Variants in EDARADD observed in about 807,000 individuals in gnomAD.
EDARADD encodes ectodysplasin-A receptor-associated adapter protein.
A neutral mutation model predicts 25.6 loss-of-function variants in EDARADD; 20 were observed. That is an observed-to-expected ratio of 0.78 (90% CI 0.55 to 1.14). The LOEUF (loss-of-function observed/expected upper bound fraction) is 1.14, where lower values mean the gene tolerates loss of function less well. EDARADD is among the 50% of genes most tolerant of loss of function. The pLI is 0.00. For missense variants in EDARADD, 225 were observed against 270.1 expected (o/e 0.83, Z 1.17); for synonymous variants, 86 against 94.4 (o/e 0.91, Z 0.52).
intron 3 of EDARADD, among the ~76,000 whole-genome samples, chr1:236,359,311 T>A (rs185745325): frequency 7.5e-4 from 114 of 152,344 alleles, no homozygotes; most frequent in African/African-American, 2.7e-3. Context: ...GGAATTGGAA[T>A]GTTTAGGGAG....
intron 4 of EDARADD, among the ~76,000 whole-genome samples, chr1:236,466,440 A>ACACACATAC (rs1553270444): frequency 1.6e-5 from 2 of 124,344 alleles, no homozygotes; most frequent in South Asian, 5.4e-4. Context: ...CTCTCTGATA[A>ACACACATAC]ACACACACAC....
At chr1:236,435,864 T>C (rs972113852) in intron 4 of EDARADD, among the ~76,000 whole-genome samples, 1 of 152,174 alleles carries the variant, frequency 6.6e-6, no homozygotes, top group Non-Finnish European at 1.5e-5. Flanking sequence ...AAATATTTAT[T>C]GATAACATAT....
chr1:236,460,234 G>A (rs1659002261), intron 4 of EDARADD, among the ~76,000 whole-genome samples: 1 of 149,322 alleles, frequency 6.7e-6, no homozygotes, highest in African/African-American at 2.5e-5. Flanking sequence ...ACCCAGGCTG[G>A]AGTGTAATGA....
rs1310765423 is a variant in EDARADD at position 236,483,766 on chromosome 1, G to T, written c.*1117G>T. The T allele has an allele frequency of 1.3e-6, 2 of 1,484,830 alleles. No individual in the cohort carries two copies. Among genetic ancestry groups the T allele is most frequent in the Non-Finnish European group, 1.9e-6 (2 of 1,064,300 alleles). The allele number at this position is 1,484,830 out of a possible 1,614,324, so 92.0% of individuals were successfully genotyped here. On this transcript the variant is annotated 3_prime_UTR_variant, in exon 6 of 6. Coordinates refer to ENST00000334232, the MANE Select transcript of EDARADD (RefSeq NM_145861.4). ...AAGAATGTCATCAAGGAGAAATATGGGAAAGATGCCACCGGTGTGGGGGAT... is the reference window on the plus strand; with the variant it reads ...AAGAATGTCATCAAGGAGAAATATGTGAAAGATGCCACCGGTGTGGGGGAT...
At position 236,395,151 on chromosome 1, in the gene EDARADD, C is replaced by T. The variant is rs563335261; in HGVS notation, c.61+646C>T. On this transcript the variant is annotated intron_variant, in intron 1 of 5. Coordinates refer to ENST00000334232, the MANE Select transcript of EDARADD (RefSeq NM_145861.4). This position sits in a 1 kb window ranked among gnomAD's most constrained non-coding sequence, Gnocchi z 6.9. ...CTCAGCTGAGGGCGTGAGTAGGGAG[C>T]CAGGAAAGCGACCCGCGACTGCAGC... 1.6e-4 allele frequency among the ~76,000 whole-genome samples: 24 copies of T among 152,328 alleles called. No individual in the cohort carries two copies. The highest frequency in any genetic ancestry group is 5.5e-4 in the African/African-American group (23 of 41,582).
intron 1 of EDARADD, among the ~76,000 whole-genome samples, chr1:236,397,925 C>A (rs1408684594): frequency 6.6e-6 from 1 of 152,122 alleles, no homozygotes; most frequent in African/African-American, 2.4e-5. Context: ...ACTCCTATTT[C>A]TGTAATGAAA....
intron 3 of EDARADD, among the ~76,000 whole-genome samples, chr1:236,364,382 A>G (rs1292202012): frequency 1.3e-5 from 2 of 151,930 alleles, no homozygotes; most frequent in African/African-American, 4.8e-5. Context: ...CACTCTATAA[A>G]CTCTGCATTG....
intron 3 of EDARADD, among the ~76,000 whole-genome samples, chr1:236,426,605 A>G (rs920543226): frequency 1.3e-5 from 2 of 152,176 alleles, no homozygotes; most frequent in Admixed American, 6.5e-5. Flanking sequence ...ACTGAAACCC[A>G]CTACCCAAAA....
upstream of EDARADD, among the ~76,000 whole-genome samples, chr1:236,391,317 G>A (rs540239918): frequency 3.2e-4 from 48 of 152,274 alleles, no homozygotes; most frequent in Non-Finnish European, 5.6e-4. Flanking sequence ...AGAAAACTTG[G>A]ACACTATTAC....
At chr1:236,456,241 G>A (rs1350996637) in intron 4 of EDARADD, among the ~76,000 whole-genome samples, 1 of 152,096 alleles carries the variant, frequency 6.6e-6, no homozygotes, top group Non-Finnish European at 1.5e-5. Flanking sequence ...ATCTCCCTTG[G>A]CCTCACACTC....
chr1:236,448,159 C>T (rs1315477447), intron 4 of EDARADD, among the ~76,000 whole-genome samples: 1 of 152,198 alleles, frequency 6.6e-6, no homozygotes, highest in African/African-American at 2.4e-5. Context: ...TTATGAAGTA[C>T]CAGTGCCTGG....
rs749732456 is a variant in EDARADD, at chr1:236,394,472, G to A, written c.28G>A (p.Gly10Arg). The A allele has an allele frequency of 1.2e-6, 2 of 1,614,036 alleles. No homozygotes were observed. The highest frequency in any genetic ancestry group is 1.7e-6 in the Non-Finnish European group (2 of 1,180,022). ...GGGCCTCAGGACGACTAAACAGATG[G>A]GGAGAGGCACTAAAGCTCCTGGTCA... MGLRTTKQMGRGTKAPGHQE... is the reference protein window; with the variant it reads MGLRTTKQMRRGTKAPGHQE... The change falls in exon 1 of 6, where the codon GGG (glycine) becomes AGG (arginine). Residue 10 changes from glycine to arginine, a missense_variant. By Grantham distance (125) the Gly-to-Arg change is moderately radical. Coordinates refer to ENST00000334232, the MANE Select transcript of EDARADD (RefSeq NM_145861.4).
At chr1:236,479,923 C>CTA (rs34405100) in intron 5 of EDARADD, among the ~76,000 whole-genome samples, 56,673 of 150,198 alleles carry the variant, frequency 0.38, 11,350 homozygotes, top group African/African-American at 0.51. Context: ...TGGTGTGCAC[C>CTA]TAGTCCCAGC....
upstream of EDARADD, among the ~76,000 whole-genome samples, chr1:236,392,302 C>G (rs914132819): frequency 6.6e-6 from 1 of 152,084 alleles, no homozygotes; most frequent in African/African-American, 2.4e-5. Flanking sequence ...TTATTTGCAC[C>G]TACTATATGA....
chr1:236,430,682 T>A (rs1658071425), intron 4 of EDARADD, among the ~76,000 whole-genome samples: 1 of 152,242 alleles, frequency 6.6e-6, no homozygotes, highest in African/African-American at 2.4e-5. Flanking sequence ...CTTTGTATAA[T>A]CTATAGGATT....
At chr1:236,441,018 C>T (rs1658383091) in intron 4 of EDARADD, among the ~76,000 whole-genome samples, 1 of 151,862 alleles carries the variant, frequency 6.6e-6, no homozygotes, top group South Asian at 2.1e-4. Context: ...TATCAAAAGC[C>T]AAGATAGGCT....
intron 4 of EDARADD, among the ~76,000 whole-genome samples, chr1:236,429,974 G>A (rs1450278545): frequency 6.6e-6 from 1 of 152,174 alleles, no homozygotes; most frequent in Non-Finnish European, 1.5e-5. Context: ...TTTGTAACAA[G>A]TTTTGCCTAG....
At chr1:236,450,234 A>G (rs1339520876) in intron 4 of EDARADD, among the ~76,000 whole-genome samples, 3 of 152,152 alleles carry the variant, frequency 2.0e-5, no homozygotes, top group East Asian at 1.9e-4. Context: ...GCCTAGGCAT[A>G]TGATCGATAT....
chr1:236,399,695 C>A (rs1333390677), intron 1 of EDARADD, among the ~76,000 whole-genome samples: 1 of 152,192 alleles, frequency 6.6e-6, no homozygotes, highest in Non-Finnish European at 1.5e-5. Flanking sequence ...ATTGTTCATA[C>A]AGATAGATTT....
Sources: gnomAD v4.1 joint callset for allele counts (sites outside exome capture counted in the v4.1 genomes callset) on GRCh38, gnomAD v4.1.1 for gene constraint, Gnocchi (gnomAD v3.1) non-coding constraint, MANE v1.5 for transcripts, NCBI Gene and HGNC (gene_info 2026-07-23, HGNC 2026-07-21) for gene names.